Variants in DDX1 observed in about 807,000 individuals in gnomAD.
DDX1 encodes ATP-dependent RNA helicase DDX1.
DDX1 carries 28 observed loss-of-function variants against 108.7 expected under a neutral mutation model. The ratio of observed to expected loss-of-function variants is 0.26; its 90% CI spans 0.19 to 0.35. The LOEUF (loss-of-function observed/expected upper bound fraction) is 0.35, where lower values mean the gene tolerates loss of function less well. Ranked by LOEUF, DDX1 falls within the 10% of genes least tolerant of loss-of-function variation. DDX1 has a pLI of 1.00. For missense variants in DDX1, 710 were observed against 884.5 expected, an observed-to-expected ratio of 0.80 and a Z score of 2.50; for synonymous variants, 295 against 288.9, an observed-to-expected ratio of 1.02 and a Z score of -0.21.
chr2:15,607,224 T>C lies in DDX1; in HGVS notation c.867T>C (p.Ala289=). Residue 289 remains alanine (A), a synonymous_variant, in exon 13 of 26, where the codon GCT becomes GCC. Transcript: ENST00000233084. Reference sequence around the variant, plus strand: ...AGTTTCTCCCCAATGCTCCGAAAGCTCTCATTGTTGAACCTTCCCGGGAGT... The same window carrying C: ...AGTTTCTCCCCAATGCTCCGAAAGCCCTCATTGTTGAACCTTCCCGGGAGT... ...QTKFLPNAPK[A]LIVEPSRELA... The C allele has an allele frequency of 1.9e-6, 3 of 1,614,028 alleles. No homozygotes were observed. The highest frequency in any genetic ancestry group is 1.6e-4 in the Middle Eastern group (1 of 6,062).
At chr2:15,600,613 C>T (rs1573037546) in intron 6 of DDX1, among the ~76,000 whole-genome samples, 1 of 152,142 alleles carries the variant, frequency 6.6e-6, no homozygotes, top group Admixed American at 6.6e-5. Context: ...GTGACCAAAG[C>T]TCAGATGGAC....
At chr2:15,618,680 C>T (rs546905516) in intron 16 of DDX1, among the ~76,000 whole-genome samples, 5 of 152,248 alleles carry the variant, frequency 3.3e-5, no homozygotes, top group South Asian at 2.1e-4. Context: ...AGCCCCCTTC[C>T]GCCCAGGAGC....
Position 15,628,535 on chromosome 2 carries a change from A to G in DDX1, c.1759+18A>G, listed in dbSNP as rs1558460433. Reference sequence around the variant, plus strand: ...TCCTTATGGTAAAAAGCAACTTTTTATGCCTGTAGTGTGATTGTTACGGAA... The same window carrying G: ...TCCTTATGGTAAAAAGCAACTTTTTGTGCCTGTAGTGTGATTGTTACGGAA... On this transcript the variant is annotated intron_variant, in intron 21 of 25. Transcript: ENST00000233084. 2 of 1,607,492 alleles carry G rather than the reference A, an allele frequency of 1.2e-6. No homozygotes were observed. Among genetic ancestry groups the G allele is most frequent in the East Asian group, 2.2e-5 (1 of 44,812 alleles).
chr2:15,619,985 G>A (rs577065692), intron 16 of DDX1, among the ~76,000 whole-genome samples: 6 of 152,244 alleles, frequency 3.9e-5, no homozygotes, highest in South Asian at 2.1e-4. Flanking sequence ...TTGTAGGGAC[G>A]TGAGGAAGAG....
intron 17 of DDX1, 49 bp from the exon 18 acceptor site, chr2:15,621,016 C>G (rs1446486095): frequency 8.6e-7 from 1 of 1,161,360 alleles, no homozygotes; most frequent in Non-Finnish European, 1.3e-6. Flanking sequence ...TATTCTGAAT[C>G]ATTATTTAAC....
At chr2:15,614,172 A>G (rs900148766) in intron 14 of DDX1, among the ~76,000 whole-genome samples, 11 of 152,236 alleles carry the variant, frequency 7.2e-5, no homozygotes, top group African/African-American at 2.4e-4. Context: ...GTAGGACTTC[A>G]TGAAATATTT....
intron 2 of DDX1, 106 bp from the exon 3 acceptor site, chr2:15,595,384 C>A: frequency 2.1e-6 from 2 of 968,174 alleles, no homozygotes; most frequent in Non-Finnish European, 3.2e-6. Context: ...TAAGATGGAT[C>A]GTATTTACCA....
At position 15,603,568 on chromosome 2, in the gene DDX1, A is replaced by C. The variant is rs115813999; in HGVS notation, c.476-246A>C. 1.7e-3 allele frequency among the ~76,000 whole-genome samples: 260 copies of C among 152,346 alleles called. 5 individuals are homozygous for C. The highest frequency in any genetic ancestry group is 6.0e-3 in the African/African-American group (250 of 41,582). ...CCATATAGATGCTTCATGTTATTGTAAACTTGCATCTGAATTTCTTAGTGG... is the reference window on the plus strand; with the variant it reads ...CCATATAGATGCTTCATGTTATTGTCAACTTGCATCTGAATTTCTTAGTGG... On this transcript the variant is annotated intron_variant, in intron 8 of 25. Transcript: ENST00000233084.
chr2:15,629,457 A>G, intron 23 of DDX1, 145 bp from the exon 24 acceptor site: 2 of 595,270 alleles, frequency 3.4e-6, no homozygotes, highest in Non-Finnish European at 5.8e-6. Flanking sequence ...ACTGAATAGT[A>G]GTGGTAATTG....
chr2:15,609,613 TC>T (rs1394364217), intron 13 of DDX1, among the ~76,000 whole-genome samples: 1 of 152,268 alleles, frequency 6.6e-6, no homozygotes, highest in African/African-American at 2.4e-5. Context: ...CAGGGGTGGT[TC>T]TTTTATATTC....
rs751174145 is a variant in DDX1, at chr2:15,618,279, T to G, written c.1206+9T>G. ...ATGGAAAAAGACTTCAGGTATAAAATTTATCAATGCATCTTAAAATGCATG... is the reference window on the plus strand; with the variant it reads ...ATGGAAAAAGACTTCAGGTATAAAAGTTATCAATGCATCTTAAAATGCATG... On this transcript the variant is annotated intron_variant, in intron 16 of 25. Transcript: ENST00000233084. The G allele has an allele frequency of 1.5e-6, 2 of 1,353,538 alleles. No homozygotes were observed. Among genetic ancestry groups the G allele is most frequent in the Non-Finnish European group, 1.1e-6 (1 of 950,918 alleles). 83.8% of individuals were successfully genotyped at this position (1,353,538 alleles called of 1,614,324 possible). A position where few individuals can be genotyped will look rare whatever the true frequency, so the allele number is the denominator to read the frequency against.
chr2:15,596,569 G>C (rs1158975754), intron 3 of DDX1, among the ~76,000 whole-genome samples, 165 bp from the exon 4 acceptor site: 1 of 152,206 alleles, frequency 6.6e-6, no homozygotes, highest in African/African-American at 2.4e-5. Flanking sequence ...AAGGTAACAA[G>C]ATGGGCTGTA....
chr2:15,628,761 A>G (rs1187974041), intron 22 of DDX1, 36 bp from the exon 23 acceptor site: 8 of 1,612,624 alleles, frequency 5.0e-6, no homozygotes, highest in Non-Finnish European at 6.8e-6. Context: ...TGCTTTAGGA[A>G]TAAAGTCTAA....
intron 10 of DDX1, 104 bp from the exon 11 acceptor site, chr2:15,605,846 A>G (rs1388460114): frequency 1.7e-5 from 13 of 762,984 alleles, no homozygotes; most frequent in African/African-American, 7.1e-5. Flanking sequence ...CCATAGTGAC[A>G]GGAGAGAGGC....
intron 5 of DDX1, 40 bp downstream of exon 5, chr2:15,597,511 T>G (rs1295319873): frequency 3.8e-6 from 5 of 1,299,334 alleles, no homozygotes; most frequent in Non-Finnish European, 5.5e-6. Flanking sequence ...ATATAAATCA[T>G]TGGTTCTCAT....
chr2:15,604,383 CTTTA>C (rs1156965999), intron 9 of DDX1, 50 bp from the exon 10 acceptor site: 4 of 1,180,306 alleles, frequency 3.4e-6, no homozygotes, highest in Non-Finnish European at 2.5e-6. Context: ...TATATTTTAA[CTTTA>C]TTTAAGAATT....
intron 6 of DDX1, among the ~76,000 whole-genome samples, chr2:15,601,277 A>G (rs1476484188): frequency 1.3e-5 from 2 of 152,096 alleles, no homozygotes. Flanking sequence ...GGTTTCCCAT[A>G]CTTTCCCATT....
chr2:15,594,384 TTAAG>T (rs1665467388), intron 1 of DDX1, among the ~76,000 whole-genome samples: 2 of 152,154 alleles, frequency 1.3e-5, no homozygotes, highest in Admixed American at 6.6e-5. Context: ...GAAGGAAAGT[TTAAG>T]TAATCCAACT....
chr2:15,611,490 C>T (rs1402608556), intron 13 of DDX1, among the ~76,000 whole-genome samples: 10 of 141,182 alleles, frequency 7.1e-5, no homozygotes, highest in South Asian at 4.8e-4. Context: ...ACCTCCCGGA[C>T]GGGGCGGCTG....
Sources: gnomAD v4.1 joint callset for allele counts (sites outside exome capture counted in the v4.1 genomes callset) on GRCh38, gnomAD v4.1.1 for gene constraint, MANE v1.5 for transcripts, NCBI Gene and HGNC (gene_info 2026-07-23, HGNC 2026-07-21) for gene names.